JAKMIP1: variants seen among roughly 807,000 people sequenced by gnomAD.
JAKMIP1 encodes the protein janus kinase and microtubule interacting protein 1, also known as janus kinase and microtubule-interacting protein 1.
Under a neutral mutation model 113.0 loss-of-function variants are expected in JAKMIP1, and 33 were observed. The ratio of observed to expected loss-of-function variants is 0.29; its 90% confidence interval spans 0.22 to 0.39. The LOEUF (loss-of-function observed/expected upper bound fraction) is 0.39, where lower values mean the gene tolerates loss of function less well. JAKMIP1 is among the 10% of genes least tolerant of loss of function. The pLI is 1.00. For missense variants in JAKMIP1, 813 were observed against 1,080.5 expected (o/e 0.75, Z 3.47); for synonymous variants, 480 against 459.9 (o/e 1.04, Z -0.56).
At chr4:6,118,492 A>T (rs2108902879) in intron 1 of JAKMIP1, among the ~76,000 whole-genome samples, 1 of 152,282 alleles carries the variant, frequency 6.6e-6, no homozygotes, top group Non-Finnish European at 1.5e-5. Context: ...TCTGGAGCCA[A>T]CAGGATTGGT....
At chr4:6,195,818 C>T (rs887597078) in intron 1 of JAKMIP1, among the ~76,000 whole-genome samples, 4 of 152,238 alleles carry the variant, frequency 2.6e-5, no homozygotes, top group Admixed American at 6.5e-5. Context: ...ATGTCTTTGG[C>T]TTCCCAGATG....
At chr4:6,038,264 C>T (rs1713817552) in intron 18 of JAKMIP1, among the ~76,000 whole-genome samples, 1 of 150,230 alleles carries the variant, frequency 6.7e-6, no homozygotes, top group African/African-American at 2.5e-5. Flanking sequence ...AGTAGCCCTC[C>T]AACACCGAGG....
In JAKMIP1 at chr4:6,042,885, G is replaced by A. The variant is rs1714513242; in HGVS notation, c.2029-658C>T. Among the ~76,000 whole-genome samples, 1 of 152,070 alleles carries A rather than the reference G, an allele frequency of 6.6e-6. No homozygotes were observed. Among genetic ancestry groups the A allele is most frequent in the Admixed American group, 6.5e-5 (1 of 15,282 alleles). ...CAGGACATGAGGGCGCAGGCACGGAGAGTACGGGGTGAACAGGCGGGGCGT... is the reference window on the plus strand; with the variant it reads ...CAGGACATGAGGGCGCAGGCACGGAAAGTACGGGGTGAACAGGCGGGGCGT... On this transcript the variant is annotated intron_variant, in intron 16 of 20. Transcript: ENST00000409021. This position sits in a 1 kb window ranked among gnomAD's most constrained non-coding sequence, Gnocchi z 5.2.
At chr4:6,164,165 C>T (rs574435156) in intron 1 of JAKMIP1, among the ~76,000 whole-genome samples, 4 of 152,292 alleles carry the variant, frequency 2.6e-5, no homozygotes, top group South Asian at 2.1e-4. Context: ...AAGGAGAAGT[C>T]GATGCCTAGC....
At position 6,156,149 on chromosome 4, in the gene JAKMIP1, C is replaced by G. The variant is rs1722212133; in HGVS notation, c.-147-43152G>C. ...GACCCATCTGTGTGTTTCTTGGGAG[C>G]AGAGACCGGGAACATCTTCTCACCG... On this transcript the variant is annotated intron_variant, in intron 1 of 20. Coordinates refer to ENST00000409021, the MANE Select transcript of JAKMIP1 (RefSeq NM_001099433.2). The surrounding 1 kb of genome is among the most constrained non-coding windows in gnomAD (Gnocchi z 5.0). Among the ~76,000 whole-genome samples the G allele has an allele frequency of 2.0e-5, 3 of 152,298 alleles. No individual in the cohort carries two copies. The South Asian group carries it at 6.2e-4, about 32-fold the overall frequency.
Position 6,086,586 on chromosome 4 carries a change from A to T in JAKMIP1, c.625-957T>A, listed in dbSNP as rs1388180939. ...GACAGTGAGGAACCACACCAAAAAA[A>T]GTATGCAGAGGAAGTGTCAGCCCCA... On this transcript the variant is annotated intron_variant, in intron 3 of 20. Coordinates refer to ENST00000409021, the MANE Select transcript of JAKMIP1 (RefSeq NM_001099433.2). The surrounding 1 kb of genome is among the most constrained non-coding windows in gnomAD (Gnocchi z 4.1). Among the ~76,000 whole-genome samples, 1 of 152,070 alleles carries T rather than the reference A, an allele frequency of 6.6e-6. No homozygotes were observed. The highest frequency in any genetic ancestry group is 2.4e-5 in the African/African-American group (1 of 41,414).
chr4:6,029,868 G>GA, intron 19 of JAKMIP1, 87 bp from the exon 20 acceptor site: 1 of 952,284 alleles, frequency 1.1e-6, no homozygotes, highest in Non-Finnish European at 1.7e-6. Flanking sequence ...GTCTAGCACA[G>GA]AAGCTGTAAA....
intron 2 of JAKMIP1, among the ~76,000 whole-genome samples, chr4:6,109,609 G>A (rs1219031498): frequency 1.3e-5 from 2 of 151,904 alleles, no homozygotes; most frequent in African/African-American, 4.8e-5. Context: ...TGCGACTTGA[G>A]GACAGGGTCT....
At chr4:6,039,864 A>AC (rs1714086217) in intron 18 of JAKMIP1, among the ~76,000 whole-genome samples, 4 of 148,572 alleles carry the variant, frequency 2.7e-5, no homozygotes, top group African/African-American at 9.8e-5. Flanking sequence ...TTTTAAAGTC[A>AC]TTTTTTTTTT....
intron 1 of JAKMIP1, among the ~76,000 whole-genome samples, chr4:6,125,082 G>A (rs1375223405): frequency 6.6e-6 from 1 of 152,172 alleles, no homozygotes; most frequent in Non-Finnish European, 1.5e-5. Context: ...AAGGCCATAG[G>A]GCTAGGAGGA....
chr4:6,165,663 T>G (rs1723534091), intron 1 of JAKMIP1, among the ~76,000 whole-genome samples: 1 of 152,200 alleles, frequency 6.6e-6, no homozygotes, highest in Non-Finnish European at 1.5e-5. Flanking sequence ...ATTGTACACT[T>G]AAGAGACTAC....
rs540798015 is a variant in JAKMIP1, at chr4:6,059,543, C to G, written c.1644+881G>C. Among the ~76,000 whole-genome samples the G allele has an allele frequency of 1.3e-5, 2 of 152,064 alleles. No individual in the cohort carries two copies. The highest frequency in any genetic ancestry group is 4.8e-5 in the African/African-American group (2 of 41,404). On this transcript the variant is annotated intron_variant, in intron 11 of 20. Transcript: ENST00000409021. The surrounding 1 kb of genome is among the most constrained non-coding windows in gnomAD (Gnocchi z 4.8). ...CAGGGGTGGGGGCCACCAGACACTC[C>G]GTCTGCCCACACCCTCCTTGGCACC...
In JAKMIP1 at chr4:6,192,371, A is replaced by T. The variant is rs924751129; in HGVS notation, c.-148+7882T>A. Among the ~76,000 whole-genome samples, 5 of 152,156 alleles carry T rather than the reference A, an allele frequency of 3.3e-5. No individual in the cohort carries two copies. The highest frequency in any genetic ancestry group is 7.4e-5 in the Non-Finnish European group (5 of 68,024). ...CCCCTGGTGGCCTCAGGACAAGTGT[A>T]TGAGTCACCTGGCATTAGGAAACTC... On this transcript the variant is annotated intron_variant, in intron 1 of 20. Transcript: ENST00000409021. This position sits in a 1 kb window ranked among gnomAD's most constrained non-coding sequence, Gnocchi z 5.0.
At chr4:6,191,190 G>A (rs533679320) in intron 1 of JAKMIP1, among the ~76,000 whole-genome samples, 12 of 152,314 alleles carry the variant, frequency 7.9e-5, no homozygotes, top group African/African-American at 2.9e-4. Context: ...AGTCATGGGC[G>A]TGGATGCCAG....
rs1714177190 is a variant in JAKMIP1, at chr4:6,040,562, T to C, written c.2175+77A>G. The C allele has an allele frequency of 2.8e-6, 3 of 1,055,710 alleles. No individual in the cohort carries two copies. In the African/African-American group the frequency reaches 4.7e-5, roughly 16 times the overall value. The allele number at this position is 1,055,710 out of a possible 1,614,324, so 65.4% of individuals were successfully genotyped here. A position where few individuals can be genotyped will look rare whatever the true frequency, so the allele number is the denominator to read the frequency against. ...GCACTGGGGAGCGCCCTAAATGCAG[T>C]TTCAGCCCCAGAGGAAAAAGCAGCC... On this transcript the variant is annotated intron_variant, in intron 18 of 20. Transcript: ENST00000409021. This position sits in a 1 kb window ranked among gnomAD's most constrained non-coding sequence, Gnocchi z 5.8.
intron 13 of JAKMIP1, among the ~76,000 whole-genome samples, chr4:6,052,228 AAAC>A (rs1013253630): frequency 1.3e-5 from 2 of 152,094 alleles, no homozygotes; most frequent in African/African-American, 4.8e-5. Context: ...AATAAAAAAA[AAAC>A]AAGCAAAAAA....
In JAKMIP1 at chr4:6,162,623, C is replaced by T. The variant is rs565220544; in HGVS notation, c.-148+37630G>A. 2.0e-4 allele frequency among the ~76,000 whole-genome samples: 30 copies of T among 152,354 alleles called. 2 individuals carry two copies. The South Asian group carries it at 5.6e-3, about 28-fold the overall frequency. ...ACCATCTCGTTCAACCTGCCAAGCT[C>T]AGTGTGGCACTGCCCATCTGTTAGC... On this transcript the variant is annotated intron_variant, in intron 1 of 20. Transcript: ENST00000409021. The surrounding 1 kb of genome is among the most constrained non-coding windows in gnomAD (Gnocchi z 5.6).
rs374971745 is a variant in JAKMIP1, at chr4:6,141,813, G to C, written c.-147-28816C>G. 6.6e-6 allele frequency among the ~76,000 whole-genome samples: 1 copy of C among 152,222 alleles called. No individual in the cohort carries two copies. Among genetic ancestry groups the C allele is most frequent in the South Asian group, 2.1e-4 (1 of 4,822 alleles). ...ACCTCCCTGGCCACTGAGCAGCCCG[G>C]TGGGAGCGGAAGTTGATGTGGAAAC... On this transcript the variant is annotated intron_variant, in intron 1 of 20. Coordinates refer to ENST00000409021, the MANE Select transcript of JAKMIP1 (RefSeq NM_001099433.2). This position sits in a 1 kb window ranked among gnomAD's most constrained non-coding sequence, Gnocchi z 9.4.
rs772232194 is a variant in JAKMIP1, at chr4:6,135,897, G to C, written c.-147-22900C>G. Among the ~76,000 whole-genome samples the C allele has an allele frequency of 1.3e-4, 19 of 151,910 alleles. No homozygotes were observed. Among genetic ancestry groups the C allele is most frequent in the African/African-American group, 3.1e-4 (13 of 41,332 alleles). On this transcript the variant is annotated intron_variant, in intron 1 of 20. Transcript: ENST00000409021. The surrounding 1 kb of genome is among the most constrained non-coding windows in gnomAD (Gnocchi z 4.9). The stretch of plus-strand genomic sequence containing the variant: ...GGTGTCAGAGGACTTAAGAAATGGT[G>C]GGGGGAGAGGTGGGGGGGGACAGCA...
Sources: gnomAD v4.1 joint callset for allele counts (sites outside exome capture counted in the v4.1 genomes callset) on GRCh38, gnomAD v4.1.1 for gene constraint, Gnocchi (gnomAD v3.1) non-coding constraint, MANE v1.5 for transcripts, NCBI Gene and HGNC (gene_info 2026-07-23, HGNC 2026-07-21) for gene names.